MBNL1: variants seen among roughly 807,000 people sequenced by gnomAD.
MBNL1 encodes muscleblind-like protein 1.
Under a neutral mutation model 42.2 loss-of-function variants are expected in MBNL1, and 8 were observed. The observed-to-expected ratio is 0.19, with a 90% CI of 0.11 to 0.34. The LOEUF is 0.34. MBNL1 is among the 10% of genes least tolerant of loss of function. MBNL1 has a pLI of 1.00. For synonymous variants in MBNL1, 169 were observed against 173.9 expected, an observed-to-expected ratio of 0.97 and a Z score of 0.22; for missense variants, 309 against 495.3, an observed-to-expected ratio of 0.62 and a Z score of 3.57.
chr3:152,417,084 C>A (rs2098714285), intron 3 of MBNL1, among the ~76,000 whole-genome samples: 1 of 152,132 alleles, frequency 6.6e-6, no homozygotes, highest in Admixed American at 6.5e-5. Context: ...GTACAGAAAT[C>A]ATTTTAATTA....
chr3:152,332,692 TTGTGTGTGTG>T (rs71144115), intron 2 of MBNL1, among the ~76,000 whole-genome samples: 1,931 of 132,984 alleles, frequency 0.015, 21 homozygotes, highest in South Asian at 0.025. Context: ...TTTCATGGTT[TTGTGTGTGTG>T]TGTGTGTGTG....
At chr3:152,396,159 A>AC in intron 2 of MBNL1, 1 of 349,526 alleles carries the variant, frequency 2.9e-6, no homozygotes, top group Non-Finnish European at 5.8e-6. Flanking sequence ...GTCTCCTGTC[A>AC]CCCCCAGATA....
intron 2 of MBNL1, among the ~76,000 whole-genome samples, chr3:152,253,065 A>G (rs1432707040): frequency 1.3e-5 from 2 of 152,124 alleles, no homozygotes; most frequent in African/African-American, 4.8e-5. Flanking sequence ...ACCCTAAATA[A>G]AAAACAAATT....
intron 1 of MBNL1, among the ~76,000 whole-genome samples, chr3:152,278,194 A>T (rs2046387812): frequency 6.6e-6 from 1 of 152,130 alleles, no homozygotes; most frequent in African/African-American, 2.4e-5. Context: ...TAACTAGACA[A>T]ATTTATTCCA....
At chr3:152,306,698 A>G (rs2063335450) in intron 2 of MBNL1, among the ~76,000 whole-genome samples, 1 of 152,122 alleles carries the variant, frequency 6.6e-6, no homozygotes, top group African/African-American at 2.4e-5. Flanking sequence ...ACAGAAGGGG[A>G]GAATGGAAAT....
intron 1 of MBNL1, among the ~76,000 whole-genome samples, chr3:152,297,729 T>C (rs1013492872): frequency 2.0e-5 from 3 of 152,024 alleles, no homozygotes; most frequent in Admixed American, 6.5e-5. Context: ...CAATCTCAGC[T>C]CACTGCAGCT....
intron 1 of MBNL1, among the ~76,000 whole-genome samples, chr3:152,283,918 T>A (rs1433913321): frequency 6.6e-6 from 1 of 152,330 alleles, no homozygotes; most frequent in Non-Finnish European, 1.5e-5. Flanking sequence ...GAAACTAACC[T>A]TGACCTCTCT....
chr3:152,247,098 T>A (rs1454085574), intron 2 of MBNL1, among the ~76,000 whole-genome samples: 2 of 152,162 alleles, frequency 1.3e-5, no homozygotes, highest in Non-Finnish European at 2.9e-5. Context: ...CCTCTTCTTT[T>A]GGCCATTTTC....
intron 2 of MBNL1, among the ~76,000 whole-genome samples, chr3:152,322,064 A>AG (rs1395079251): frequency 4.1e-5 from 1 of 24,412 alleles, no homozygotes; most frequent in African/African-American, 5.6e-4. Context: ...ATGAAAACAG[A>AG]GTTTTTTTAA....
chr3:152,321,144 T>A (rs1254781096), intron 2 of MBNL1, among the ~76,000 whole-genome samples: 1 of 152,098 alleles, frequency 6.6e-6, no homozygotes, highest in East Asian at 1.9e-4. Flanking sequence ...TTCCAGATTG[T>A]GTGTTGGTGC....
At chr3:152,361,173 A>G (rs17369888) in intron 2 of MBNL1, among the ~76,000 whole-genome samples, 10,843 of 151,918 alleles carry the variant, frequency 0.071, 506 homozygotes, top group Middle Eastern at 0.16. Flanking sequence ...CCAGTTGTCT[A>G]CTCTGTGCTG....
At chr3:152,282,749 A>G (rs1481878457) in intron 1 of MBNL1, among the ~76,000 whole-genome samples, 2 of 152,182 alleles carry the variant, frequency 1.3e-5, no homozygotes, top group African/African-American at 4.8e-5. Flanking sequence ...GCATCTACCA[A>G]TGTTAGATTT....
At chr3:152,254,174 G>A (rs934310526) in intron 2 of MBNL1, among the ~76,000 whole-genome samples, 1 of 152,146 alleles carries the variant, frequency 6.6e-6, no homozygotes, top group African/African-American at 2.4e-5. Flanking sequence ...CCATGCAAAT[G>A]TCAGGTGTAG....
chr3:152,447,956 C>A (rs79247273), intron 6 of MBNL1, among the ~76,000 whole-genome samples, 183 bp downstream of exon 6: 10,828 of 152,136 alleles, frequency 0.071, 506 homozygotes, highest in Middle Eastern at 0.16. Context: ...AGGATTGTAG[C>A]TTAATGAAAT....
At chr3:152,383,171 C>T (rs1203705028) in intron 2 of MBNL1, among the ~76,000 whole-genome samples, 2 of 152,088 alleles carry the variant, frequency 1.3e-5, no homozygotes, top group East Asian at 3.8e-4. Flanking sequence ...AACTGCCTTG[C>T]TCTTGGCTGC....
At chr3:152,446,732 G>A (rs760190490) in intron 5 of MBNL1, 2 of 1,613,674 alleles carry the variant, frequency 1.2e-6, no homozygotes, top group African/African-American at 1.3e-5. Flanking sequence ...TCACTGAAGC[G>A]ACCCCTCGAG....
At chr3:152,453,900 T>C (rs1728480107) in intron 6 of MBNL1, among the ~76,000 whole-genome samples, 1 of 152,224 alleles carries the variant, frequency 6.6e-6, no homozygotes, top group Non-Finnish European at 1.5e-5. Context: ...AAATATAACC[T>C]GTACAATATT....
intron 1 of MBNL1, among the ~76,000 whole-genome samples, chr3:152,294,348 A>G (rs964588700): frequency 3.7e-5 from 5 of 134,374 alleles, no homozygotes; most frequent in Admixed American, 8.3e-5. Flanking sequence ...CAGTGGTGTG[A>G]TCTCGGCTCA....
chr3:152,247,920 G>A (rs984834219), intron 2 of MBNL1, among the ~76,000 whole-genome samples: 1 of 151,698 alleles, frequency 6.6e-6, no homozygotes, highest in African/African-American at 2.4e-5. Flanking sequence ...TAGTCTATTG[G>A]TGTTGCTCCA....
Sources: allele counts gnomAD v4.1 joint callset (sites outside exome capture counted in the v4.1 genomes callset), GRCh38; gene constraint gnomAD v4.1.1; transcripts MANE v1.5; gene names NCBI Gene and HGNC (gene_info 2026-07-23, HGNC 2026-07-21).